ROBO1: variants seen among roughly 807,000 people sequenced by gnomAD.
The protein encoded by ROBO1 is roundabout homolog 1.
A neutral mutation model predicts 195.9 loss-of-function variants in ROBO1; 149 were observed. The ratio of observed to expected loss-of-function variants is 0.76; its 90% CI spans 0.67 to 0.87. ROBO1 has a LOEUF of 0.87. ROBO1 is among the 40% of genes least tolerant of loss of function. The probability of loss-of-function intolerance (pLI) is 0.00; values close to 1 mark genes in which losing one functional copy is unlikely to be tolerated. For synonymous variants in ROBO1, 816 were observed against 733.2 expected (o/e 1.11, Z -1.82); for missense variants, 1,933 against 2,068.3 (o/e 0.93, Z 1.27).
chr3:78,988,209 C>T (rs2077157181), intron 3 of ROBO1, among the ~76,000 whole-genome samples: 1 of 152,098 alleles, frequency 6.6e-6, no homozygotes, highest in African/African-American at 2.4e-5. Context: ...CATTCTTTTA[C>T]AACTTAATTC....
intron 4 of ROBO1, among the ~76,000 whole-genome samples, chr3:78,883,393 T>C (rs1334861643): frequency 1.3e-5 from 2 of 152,086 alleles, no homozygotes; most frequent in African/African-American, 2.4e-5. Context: ...GACGCAGATA[T>C]GTATTATAAA....
intron 4 of ROBO1, among the ~76,000 whole-genome samples, chr3:78,861,612 T>C (rs574757699): frequency 2.2e-4 from 33 of 152,340 alleles, no homozygotes; most frequent in African/African-American, 7.9e-4. Context: ...TTTGCTCTCA[T>C]GTTATGTTGT....
chr3:78,618,033 G>A lies in ROBO1; in HGVS notation c.3884C>T (p.Pro1295Leu). The A allele has an allele frequency of 6.2e-7, 1 of 1,611,290 alleles. No individual in the cohort carries two copies. Among genetic ancestry groups the A allele is most frequent in the Middle Eastern group, 1.7e-4 (1 of 6,022 alleles). The change falls in exon 27 of 31, where the codon CCT (proline) becomes CTT (leucine). Residue 1295 changes from proline (P) to leucine (L), a missense_variant. By Grantham distance (98) the Pro-to-Leu change is moderately conservative (BLOSUM62 -3). This residue lies in a region of ROBO1 where 1,737 missense variants were observed against 1,882.5 expected (regional missense o/e 0.92). Coordinates refer to ENST00000464233, the MANE Select transcript of ROBO1 (RefSeq NM_002941.4). Reference protein sequence around the residue: ...MQHQPDRRRQPVSPPPPPRPI... With the variant: ...MQHQPDRRRQLVSPPPPPRPI... ...CCGTGGTGGTGGAGGAGGACTCACA[G>A]GCTGCCGTCTGTATGAAGATGAATA... is the stretch of plus-strand genomic sequence containing the variant.
intron 2 of ROBO1, among the ~76,000 whole-genome samples, chr3:79,533,333 G>T (rs7429850): frequency 6.6e-6 from 1 of 151,910 alleles, no homozygotes; most frequent in Non-Finnish European, 1.5e-5. Flanking sequence ...TTTGTCTCAT[G>T]ATTATTTCAC....
intron 2 of ROBO1, among the ~76,000 whole-genome samples, chr3:79,428,621 G>A (rs1317467090): frequency 6.6e-6 from 1 of 152,074 alleles, no homozygotes; most frequent in African/African-American, 2.4e-5. Context: ...CAGCAATTCT[G>A]CTCTTAGAAG....
intron 2 of ROBO1, among the ~76,000 whole-genome samples, chr3:79,281,429 A>T: frequency 6.6e-6 from 1 of 152,298 alleles, no homozygotes; most frequent in Admixed American, 6.5e-5. Context: ...TGATGGGAAT[A>T]CTTTTTATCT....
chr3:78,936,290 A>G (rs1247774370), intron 4 of ROBO1, among the ~76,000 whole-genome samples: 1 of 152,070 alleles, frequency 6.6e-6, no homozygotes, highest in Non-Finnish European at 1.5e-5. Context: ...CTTGGTTTAA[A>G]GGCAAATAAA....
rs549773659 is a variant in ROBO1 at position 79,567,025 on chromosome 3, T to C, written c.88+22799A>G. ...ACCTAAATGCCCATCAATGATATAC[T>C]GGACAAAGAAAATGTGGTATATCTA... On this transcript the variant is annotated intron_variant, in intron 2 of 30. Transcript: ENST00000464233. Among the ~76,000 whole-genome samples the C allele has an allele frequency of 7.2e-5, 11 of 152,262 alleles. No individual in the cohort carries two copies. In the East Asian group the frequency reaches 1.9e-3, roughly 27 times the overall value.
chr3:79,283,747 G>A (rs2031683459), intron 2 of ROBO1, among the ~76,000 whole-genome samples: 1 of 150,658 alleles, frequency 6.6e-6, no homozygotes, highest in Admixed American at 6.6e-5. Context: ...GCCCAGGCTG[G>A]AGTGCAGTGG....
intron 2 of ROBO1, among the ~76,000 whole-genome samples, chr3:79,442,308 T>C (rs1215446570): frequency 1.3e-5 from 2 of 152,300 alleles, no homozygotes; most frequent in East Asian, 3.9e-4. Context: ...ATCACTGTGC[T>C]TATTGTGGTG....
At chr3:79,347,754 A>G (rs1242551117) in intron 2 of ROBO1, among the ~76,000 whole-genome samples, 1 of 152,232 alleles carries the variant, frequency 6.6e-6, no homozygotes, top group African/African-American at 2.4e-5. Flanking sequence ...TTATTTAAAC[A>G]CTTGCTAAGA....
intron 25 of ROBO1, 118 bp downstream of exon 25, chr3:78,631,043 C>A: frequency 9.2e-7 from 1 of 1,083,456 alleles, no homozygotes; most frequent in Non-Finnish European, 1.3e-6. Flanking sequence ...TATTTAAAGG[C>A]AACTGTTTGT....
intron 1 of ROBO1, among the ~76,000 whole-genome samples, chr3:79,637,370 C>T (rs1248375548): frequency 3.6e-5 from 5 of 137,144 alleles, no homozygotes; most frequent in Non-Finnish European, 6.2e-5. Flanking sequence ...TTTATACTTT[C>T]ATTTTATAAG....
chr3:79,464,212 A>G (rs1937819255), intron 2 of ROBO1, among the ~76,000 whole-genome samples: 1 of 152,232 alleles, frequency 6.6e-6, no homozygotes, highest in Non-Finnish European at 1.5e-5. Context: ...TATTATGAAT[A>G]ATTCTGTTAT....
At chr3:79,228,492 C>T (rs780737653) in intron 2 of ROBO1, among the ~76,000 whole-genome samples, 1 of 152,128 alleles carries the variant, frequency 6.6e-6, no homozygotes. Context: ...TGAGATCTGA[C>T]TTTGAGATAC....
chr3:78,959,585 C>T (rs1377177138), intron 3 of ROBO1, among the ~76,000 whole-genome samples: 1 of 151,788 alleles, frequency 6.6e-6, no homozygotes, highest in Non-Finnish European at 1.5e-5. Flanking sequence ...AGATAGAAGC[C>T]CAAAATTTAT....
chr3:78,608,719 G>A (rs1703615397), intron 28 of ROBO1, among the ~76,000 whole-genome samples: 1 of 152,058 alleles, frequency 6.6e-6, no homozygotes, highest in African/African-American at 2.4e-5. Flanking sequence ...TGTTCAGATG[G>A]AGAGGAAAAG....
At chr3:78,644,362 C>T (rs1056951386) in intron 21 of ROBO1, among the ~76,000 whole-genome samples, 1 of 152,106 alleles carries the variant, frequency 6.6e-6, no homozygotes, top group African/African-American at 2.4e-5. Context: ...CTTACTGATG[C>T]TTCCCAAGTA....
intron 4 of ROBO1, among the ~76,000 whole-genome samples, chr3:78,877,717 AG>A (rs2035939719): frequency 6.6e-6 from 1 of 152,182 alleles, no homozygotes; most frequent in South Asian, 2.1e-4. Context: ...TTTGAATACA[AG>A]GTAAGCCTTC....
Sources: allele counts gnomAD v4.1 joint callset (sites outside exome capture counted in the v4.1 genomes callset), GRCh38; gene constraint gnomAD v4.1.1; regional missense constraint gnomAD v4.1.1; transcripts MANE v1.5; gene names NCBI Gene and HGNC (gene_info 2026-07-23, HGNC 2026-07-21).